FKRP: variants seen among roughly 807,000 people sequenced by gnomAD.
The protein encoded by FKRP is fukutin related protein, also known as ribitol 5-phosphate transferase FKRP.
FKRP carries 25 observed loss-of-function variants against 30.6 expected under a neutral mutation model. The ratio of observed to expected loss-of-function variants is 0.82; its 90% CI spans 0.60 to 1.14. The LOEUF (loss-of-function observed/expected upper bound fraction) is 1.14, where lower values mean the gene tolerates loss of function less well. Ranked by LOEUF, FKRP falls within the 50% of genes most tolerant of loss-of-function variation. FKRP has a pLI of 0.00. For synonymous variants in FKRP, 358 were observed against 342.5 expected, an observed-to-expected ratio of 1.05 and a Z score of -0.50; for missense variants, 771 against 727.8, an observed-to-expected ratio of 1.06 and a Z score of -0.68.
chr19:46,755,094 T>G (rs2054879646), intron 3 of FKRP, among the ~76,000 whole-genome samples: 1 of 151,478 alleles, frequency 6.6e-6, no homozygotes, highest in African/African-American at 2.4e-5. Flanking sequence ...AAACTGAAAC[T>G]CTGTACTTAT....
At chr19:46,746,363 C>T in intron 1 of FKRP, 2 of 1,170,706 alleles carry the variant, frequency 1.7e-6, no homozygotes, top group Non-Finnish European at 2.1e-6. Flanking sequence ...AGGGCCCGCG[C>T]CTGAGCCGAG....
In FKRP at chr19:46,755,778, C is replaced by G; in HGVS notation, c.328C>G (p.Arg110Gly). 6.5e-7 allele frequency: 1 copy of G among 1,528,916 alleles called. No homozygotes were observed. Among genetic ancestry groups the G allele is most frequent in the Non-Finnish European group, 8.8e-7 (1 of 1,141,760 alleles). 94.7% of individuals were successfully genotyped at this position (1,528,916 alleles called of 1,614,324 possible). A position where few individuals can be genotyped will look rare whatever the true frequency, so the allele number is the denominator to read the frequency against. ...RLALLQPALDRPAAASRPETY... is the reference protein window; with the variant it reads ...RLALLQPALDGPAAASRPETY... ...GGCGCTGCTCCAGCCCGCCCTGGAC[C>G]GGCCAGCCGCAGCCTCGCGCCCGGA... Residue 110 changes from arginine to glycine, a missense_variant, in exon 4 of 4, where the codon CGG becomes GGG. Transcript: ENST00000318584.
chr19:46,746,038 C>A (rs1408769029), upstream of FKRP: 17 of 1,198,332 alleles, frequency 1.4e-5, no homozygotes, highest in East Asian at 6.9e-5. Context: ...CCCGCCCCCC[C>A]GCCGGCCGTC....
rs1161160956 is a variant in FKRP at position 46,748,631 on chromosome 19, C to T, written c.-74C>T. Reference sequence around the variant, plus strand: ...GGGACTGGAGAGACAAGTAAACTCTCAGAGTAACTGTCCCCTCTGACTACC... The same window carrying T: ...GGGACTGGAGAGACAAGTAAACTCTTAGAGTAACTGTCCCCTCTGACTACC... On this transcript the variant is annotated 5_prime_UTR_variant, in exon 3 of 4. Transcript: ENST00000318584. 3 of 152,240 alleles carry T rather than the reference C, an allele frequency of 2.0e-5. No homozygotes were observed. Among genetic ancestry groups the T allele is most frequent in the African/African-American group, 7.2e-5 (3 of 41,438 alleles). 9.4% of individuals were successfully genotyped at this position (152,240 alleles called of 1,614,324 possible).
rs764247100 is a variant in FKRP at position 46,756,658 on chromosome 19, T to A, written c.1208T>A (p.Phe403Tyr). 6.2e-7 allele frequency: 1 copy of A among 1,613,560 alleles called. No homozygotes were observed. Among genetic ancestry groups the A allele is most frequent in the Non-Finnish European group, 8.5e-7 (1 of 1,179,856 alleles). Residue 403 changes from phenylalanine (F) to tyrosine (Y), a missense_variant, in exon 4 of 4, where the codon TTC (phenylalanine) becomes TAC (tyrosine). Phe to Tyr is a conservative substitution (Grantham distance 22). Coordinates refer to ENST00000318584, the MANE Select transcript of FKRP (RefSeq NM_024301.5). This position sits in a 1 kb window ranked among gnomAD's most constrained non-coding sequence, Gnocchi z 6.6. ...VWEKAVEGDFFRVQYSESNHL... is the reference protein window; with the variant it reads ...VWEKAVEGDFYRVQYSESNHL... The stretch of plus-strand genomic sequence containing the variant: ...GAGAAGGCGGTCGAGGGCGACTTTT[T>A]CCGCGTGCAGTACAGCGAAAGCAAC...
In FKRP at chr19:46,758,537, T is replaced by A. The variant is rs554550107; in HGVS notation, c.*1599T>A. 6.0e-6 allele frequency: 1 copy of A among 166,102 alleles called. No homozygotes were observed. Among genetic ancestry groups the A allele is most frequent in the Non-Finnish European group, 1.5e-5 (1 of 67,978 alleles). 10.3% of individuals were successfully genotyped at this position (166,102 alleles called of 1,614,324 possible). ...TTTCTTGCCTCATCCCAATGACTTT[T>A]GCACACCCAGGTGTGAGCACCCAGC... On this transcript the variant is annotated 3_prime_UTR_variant, in exon 4 of 4. Transcript: ENST00000318584.
In FKRP at chr19:46,757,264, A is replaced by G. The variant is rs1008546042; in HGVS notation, c.*326A>G. Reference sequence around the variant, plus strand: ...AGGGCCCAGCACAGCCCCAGACCCGAAAAAAGTGTTCTGCCCAAGATTCCG... The same window carrying G: ...AGGGCCCAGCACAGCCCCAGACCCGGAAAAAGTGTTCTGCCCAAGATTCCG... On this transcript the variant is annotated 3_prime_UTR_variant, in exon 4 of 4. Transcript: ENST00000318584. 8.7e-6 allele frequency: 4 copies of G among 462,126 alleles called. No individual in the cohort carries two copies. The highest frequency in any genetic ancestry group is 1.7e-5 in the Non-Finnish European group (4 of 241,506). The allele number at this position is 462,126 out of a possible 1,614,324, so 28.6% of individuals were successfully genotyped here. A position where few individuals can be genotyped will look rare whatever the true frequency, so the allele number is the denominator to read the frequency against.
chr19:46,746,041 C>CCGGGGG, upstream of FKRP: 2 of 1,184,244 alleles, frequency 1.7e-6, no homozygotes, highest in Non-Finnish European at 2.1e-6. Flanking sequence ...GCCCCCCCGC[C>CCGGGGG]GGCCGTCCCG....
chr19:46,751,513 G>C (rs907471886), intron 3 of FKRP, among the ~76,000 whole-genome samples: 3 of 151,814 alleles, frequency 2.0e-5, no homozygotes, highest in Admixed American at 2.0e-4. Context: ...CAAGTAGCTG[G>C]GATTACAGGC....
intron 3 of FKRP, among the ~76,000 whole-genome samples, chr19:46,753,059 A>G (rs976967904): frequency 7.3e-5 from 11 of 151,330 alleles, no homozygotes; most frequent in Non-Finnish European, 1.6e-4. Flanking sequence ...CCAGCTACTC[A>G]GGAGGCTGAG....
chr19:46,746,503 C>CA (rs980546987), intron 1 of FKRP: 48 of 821,834 alleles, frequency 5.8e-5, no homozygotes, highest in Non-Finnish European at 7.0e-5. Context: ...ACCCCCCCCC[C>CA]TCCCCCGCCG....
chr19:46,752,396 T>C (rs2054811679), intron 3 of FKRP, among the ~76,000 whole-genome samples: 1 of 152,174 alleles, frequency 6.6e-6, no homozygotes, highest in African/African-American at 2.4e-5. Flanking sequence ...TTCCTGCCCC[T>C]GCACTAATGG....
In FKRP at chr19:46,757,246, A is replaced by T. The variant is rs116045816; in HGVS notation, c.*308A>T. ...GATGTCACGCCGTCCCGCAGGGCCC[A>T]GCACAGCCCCAGACCCGAAAAAAGT... On this transcript the variant is annotated 3_prime_UTR_variant, in exon 4 of 4. Coordinates refer to ENST00000318584, the MANE Select transcript of FKRP (RefSeq NM_024301.5). The T allele has an allele frequency of 7.1e-4, 370 of 517,870 alleles. 1 individual carries two copies. Among genetic ancestry groups the T allele is most frequent in the African/African-American group, 6.7e-3 (349 of 51,916 alleles). 32.1% of individuals were successfully genotyped at this position (517,870 alleles called of 1,614,324 possible).
Position 46,755,568 on chromosome 19 carries a change from C to T in FKRP, c.118C>T (p.Arg40Cys). The change falls in exon 4 of 4, where the codon CGT (arginine) becomes TGT (cysteine). Residue 40 changes from arginine to cysteine, a missense_variant. Arg to Cys is a radical substitution (Grantham distance 180, BLOSUM62 -3). Coordinates refer to ENST00000318584, the MANE Select transcript of FKRP (RefSeq NM_024301.5). ...QPRNSRARGPRRASAAGPRVT... is the reference protein window; with the variant it reads ...QPRNSRARGPCRASAAGPRVT... ...TAGGAATTCCCGGGCCCGGGGGCCC[C>T]GTCGTGCCTCTGCTGCCGGCCCCCG... 7 of 1,606,446 alleles carry T rather than the reference C, an allele frequency of 4.4e-6. No homozygotes were observed. The highest frequency in any genetic ancestry group is 5.9e-6 in the Non-Finnish European group (7 of 1,177,044).
Position 46,756,777 on chromosome 19 carries a change from G to A in FKRP, c.1327G>A (p.Glu443Lys), listed in dbSNP as rs1318972801. The change falls in exon 4 of 4, where the codon GAG becomes AAG. Residue 443 changes from glutamate to lysine, a missense_variant. By Grantham distance (56) the Glu-to-Lys change is moderately conservative (BLOSUM62 1). Coordinates refer to ENST00000318584, the MANE Select transcript of FKRP (RefSeq NM_024301.5). This position sits in a 1 kb window ranked among gnomAD's most constrained non-coding sequence, Gnocchi z 6.6. ...CCACCGGCAGGATGTGGAGTTTCCC[G>A]AGCACTTCCTGCAGCCGCTGGTGCC... ...LDHRQDVEFP[E>K]HFLQPLVPLP... 1.2e-6 allele frequency: 2 copies of A among 1,603,054 alleles called. No homozygotes were observed. The highest frequency in any genetic ancestry group is 2.3e-5 in the East Asian group (1 of 44,330).
In FKRP at chr19:46,756,732, ACCAAGGACACGTGGCTGGACCACCG is replaced by A; in HGVS notation, c.1283_1307del (p.Thr428SerfsTer54). 1.9e-6 allele frequency: 3 copies of A among 1,610,600 alleles called. No homozygotes were observed. The highest frequency in any genetic ancestry group is 2.5e-6 in the Non-Finnish European group (3 of 1,178,630). The stretch of plus-strand genomic sequence containing the variant: ...CTTCTACCCCCGCAATGGCGTCATG[ACCAAGGACACGTGGCTGGACCACCG>A]GCAGGATGTGGAGTTTCCCGAGCAC... On this transcript the variant is annotated frameshift_variant, in exon 4 of 4. Coordinates refer to ENST00000318584, the MANE Select transcript of FKRP (RefSeq NM_024301.5). LOFTEE classifies it high-confidence loss of function. This position sits in a 1 kb window ranked among gnomAD's most constrained non-coding sequence, Gnocchi z 6.6.
At position 46,752,750 on chromosome 19, in the gene FKRP, A is replaced by G. The variant is rs530929439; in HGVS notation, c.-39-2662A>G. Among the ~76,000 whole-genome samples the G allele has an allele frequency of 5.9e-5, 9 of 152,296 alleles. No homozygotes were observed. The East Asian group carries it at 1.7e-3, about 29-fold the overall frequency. ...CACAGTATTGCATGCCTGTAGTCCCAGCTACTCGGGAGACTGAGGCAGGAG... is the reference window on the plus strand; with the variant it reads ...CACAGTATTGCATGCCTGTAGTCCCGGCTACTCGGGAGACTGAGGCAGGAG... On this transcript the variant is annotated intron_variant, in intron 3 of 3. Transcript: ENST00000318584.
rs766339195 is a variant in FKRP, at chr19:46,755,524, C to T, written c.74C>T (p.Ser25Leu). 8 of 1,610,028 alleles carry T rather than the reference C, an allele frequency of 5.0e-6. No individual in the cohort carries two copies. Among genetic ancestry groups the T allele is most frequent in the South Asian group, 1.1e-5 (1 of 90,658 alleles). Residue 25 changes from serine (S) to leucine (L), a missense_variant, in exon 4 of 4, where the codon TCG becomes TTG. By Grantham distance (145) the Ser-to-Leu change is moderately radical (BLOSUM62 -2). Transcript: ENST00000318584. ...AACCTTCTGGTCCTCTTCTATGTCT[C>T]GTGGCTGCAGCACCAGCCTAGGAAT... ...TLNLLVLFYV[S>L]WLQHQPRNSR...
Position 46,746,076 on chromosome 19 carries a change from C to A in FKRP, c.-267C>A. 8.1e-7 allele frequency: 1 copy of A among 1,236,634 alleles called. No homozygotes were observed. The allele number at this position is 1,236,634 out of a possible 1,614,324, so 76.6% of individuals were successfully genotyped here. A position where few individuals can be genotyped will look rare whatever the true frequency, so the allele number is the denominator to read the frequency against. On this transcript the variant is annotated 5_prime_UTR_variant, in exon 1 of 4. Coordinates refer to ENST00000318584, the MANE Select transcript of FKRP (RefSeq NM_024301.5). ...GGCGGCCATTGCTCCAAGATGGCGG[C>A]GGCGGCGGCAGCGGGTGAGGCCGGG... is the stretch of plus-strand genomic sequence containing the variant.
Sources: allele counts gnomAD v4.1 joint callset (sites outside exome capture counted in the v4.1 genomes callset), GRCh38; gene constraint gnomAD v4.1.1; non-coding constraint Gnocchi (gnomAD v3.1); transcripts MANE v1.5; gene names NCBI Gene and HGNC (gene_info 2026-07-23, HGNC 2026-07-21).